Variants in TCF4 observed in about 807,000 individuals in gnomAD.
The protein encoded by TCF4 is transcription factor 4, also known as SL3-3 enhancer factor 2.
In TCF4, 3 loss-of-function variants were observed where a neutral mutation model predicts 82.1. That is an observed-to-expected ratio of 0.04 (90% confidence interval 0.02 to 0.09). The LOEUF (loss-of-function observed/expected upper bound fraction) is 0.09. Among genes scored for constraint, TCF4 ranks in the 10% least tolerant of loss-of-function variants. The pLI, the probability that TCF4 is intolerant of heterozygous loss-of-function variation, is 1.00. For missense variants in TCF4, 518 were observed against 852.7 expected (o/e 0.61, Z 4.89); for synonymous variants, 276 against 309.6 (o/e 0.89, Z 1.14).
At chr18:55,462,058 T>C (rs536107866) in intron 4 of TCF4, among the ~76,000 whole-genome samples, 1 of 152,284 alleles carries the variant, frequency 6.6e-6, no homozygotes, top group East Asian at 1.9e-4. Context: ...ATCGGTTGCA[T>C]GTGAGCCAAA....
At chr18:55,255,659 T>G (rs752442402) in intron 14 of TCF4, among the ~76,000 whole-genome samples, 3 of 152,148 alleles carry the variant, frequency 2.0e-5, no homozygotes, top group Non-Finnish European at 2.9e-5. Flanking sequence ...TTGTTTCACG[T>G]GTGTATGGGC....
At position 55,270,074 on chromosome 18, in the gene TCF4, G is replaced by A; in HGVS notation, c.790-111C>T. 3 of 1,391,588 alleles carry A rather than the reference G, an allele frequency of 2.2e-6. No individual in the cohort carries two copies. The Admixed American group carries it at 5.1e-5, about 24-fold the overall frequency. The allele number at this position is 1,391,588 out of a possible 1,614,324, so 86.2% of individuals were successfully genotyped here. ...TATTTTACAATGGAGACAGCTTTTAGAATTTCAAAATAGCCAAGAATATAT... is the reference window on the plus strand; with the variant it reads ...TATTTTACAATGGAGACAGCTTTTAAAATTTCAAAATAGCCAAGAATATAT... On this transcript the variant is annotated intron_variant, in intron 10 of 19. Coordinates refer to ENST00000354452, the MANE Select transcript of TCF4 (RefSeq NM_001083962.2).
At chr18:55,436,103 G>A (rs2147245733) in intron 5 of TCF4, among the ~76,000 whole-genome samples, 1 of 152,238 alleles carries the variant, frequency 6.6e-6, no homozygotes. Context: ...AGTCAAATAA[G>A]CTTACAAACA....
At position 55,624,369 on chromosome 18, in the gene TCF4, C is replaced by T. The variant is rs1056934798; in HGVS notation, c.286+6929G>A. On this transcript the variant is annotated intron_variant, in intron 2 of 20. Coordinates refer to the TCF4 transcript ENST00000398339. ...AAGGGACACAAGGCTGCCTTCCTCT[C>T]ACTGGGCATCTCCCTAAATGCCTGG... 3.2e-4 allele frequency among the ~76,000 whole-genome samples: 48 copies of T among 152,098 alleles called. 1 individual carries two copies. The highest frequency in any genetic ancestry group is 2.9e-5 in the Non-Finnish European group (2 of 68,018).
chr18:55,325,705 T>TA (rs2076437844), intron 8 of TCF4, among the ~76,000 whole-genome samples: 2 of 152,238 alleles, frequency 1.3e-5, no homozygotes, highest in African/African-American at 4.8e-5. Flanking sequence ...GTTGTTGTTT[T>TA]GTTGTTGTTG....
In TCF4 at chr18:55,461,002, T is replaced by C. The variant is rs1376572040; in HGVS notation, c.304+17A>G. On this transcript the variant is annotated intron_variant, in intron 5 of 19. Coordinates refer to ENST00000354452, the MANE Select transcript of TCF4 (RefSeq NM_001083962.2). ...TGAGCATTCAAAAAGTGTAAGTTAATTTAAAATGGGTCTTACTTTGTATTC... is the reference window on the plus strand; with the variant it reads ...TGAGCATTCAAAAAGTGTAAGTTAACTTAAAATGGGTCTTACTTTGTATTC... The C allele has an allele frequency of 6.2e-7, 1 of 1,609,266 alleles. No individual in the cohort carries two copies. The highest frequency in any genetic ancestry group is 2.2e-5 in the East Asian group (1 of 44,764).
intron 3 of TCF4, among the ~76,000 whole-genome samples, chr18:55,488,247 C>A (rs897741639): frequency 6.6e-6 from 1 of 152,200 alleles, no homozygotes; most frequent in African/African-American, 2.4e-5. Context: ...ATGTGACACA[C>A]ATACATTCCG....
Position 55,563,411 on chromosome 18 carries a change from T to TA in TCF4, c.145+21868dup, listed in dbSNP as rs573137241. ...GACCTCAAAGGGATGCTCAGAAAAA[T>TA]AAAAAATTAGTGAATGAAAGCTTGA... On this transcript the variant is annotated intron_variant, in intron 3 of 19. Coordinates refer to ENST00000354452, the MANE Select transcript of TCF4 (RefSeq NM_001083962.2). Among the ~76,000 whole-genome samples, 1,296 of 152,056 alleles carry TA rather than the reference T, an allele frequency of 8.5e-3. 9 individuals are homozygous for TA. Among genetic ancestry groups the TA allele is most frequent in the Non-Finnish European group, 0.013 (858 of 67,968 alleles).
intron 3 of TCF4, among the ~76,000 whole-genome samples, chr18:55,504,639 A>C (rs376329835): frequency 6.6e-6 from 1 of 152,200 alleles, no homozygotes; most frequent in East Asian, 1.9e-4. Context: ...CAATACCAAA[A>C]ATAAACTGAG....
chr18:55,258,922 C>T (rs1431840398), intron 13 of TCF4, among the ~76,000 whole-genome samples: 4 of 152,130 alleles, frequency 2.6e-5, no homozygotes, highest in African/African-American at 7.2e-5. Flanking sequence ...CCAGTTTCAA[C>T]GCGGTCTCTC....
intron 8 of TCF4, among the ~76,000 whole-genome samples, chr18:55,313,378 T>G (rs1456865552): frequency 1.3e-5 from 2 of 152,162 alleles, no homozygotes; most frequent in Non-Finnish European, 2.9e-5. Flanking sequence ...TAAACTGATA[T>G]GAGAATAGTG....
intron 8 of TCF4, among the ~76,000 whole-genome samples, chr18:55,340,515 T>TCATAGTTCAC (rs1297720857): frequency 1.3e-5 from 2 of 149,880 alleles, no homozygotes; most frequent in Admixed American, 1.3e-4. Flanking sequence ...GCCTGGGAGT[T>TCATAGTTCAC]TGAGACTGCA....
At chr18:55,403,889 G>T (rs2093958409) in intron 5 of TCF4, 1 of 1,438,256 alleles carries the variant, frequency 7.0e-7, no homozygotes, top group Non-Finnish European at 9.1e-7. Flanking sequence ...CCCTAGCCTA[G>T]TAATTCCCAT....
rs148864070 is a variant in TCF4, at chr18:55,259,885, A to C, written c.1069+64T>G. The C allele has an allele frequency of 6.5e-5, 89 of 1,373,526 alleles. 1 individual carries two copies. The highest frequency in any genetic ancestry group is 5.3e-4 in the Middle Eastern group (3 of 5,622). The allele number at this position is 1,373,526 out of a possible 1,614,324, so 85.1% of individuals were successfully genotyped here. On this transcript the variant is annotated intron_variant, in intron 13 of 19. Transcript: ENST00000354452. ...TGAGTTTCCACCTACAAAATCAGGA[A>C]GTACAAGGGGGGAATCATTCTTATA...
At chr18:55,439,283 T>C (rs2095393015) in intron 5 of TCF4, among the ~76,000 whole-genome samples, 1 of 151,986 alleles carries the variant, frequency 6.6e-6, no homozygotes, top group Non-Finnish European at 1.5e-5. Flanking sequence ...GGGATCCACA[T>C]CTGAGGATAA....
intron 3 of TCF4, among the ~76,000 whole-genome samples, chr18:55,503,114 C>T (rs1350192186): frequency 6.6e-6 from 1 of 152,164 alleles, no homozygotes; most frequent in Non-Finnish European, 1.5e-5. Flanking sequence ...CTTTGAGAAT[C>T]CTCATGCAAG....
At chr18:55,442,156 G>A (rs1434087093) in intron 5 of TCF4, among the ~76,000 whole-genome samples, 1 of 152,082 alleles carries the variant, frequency 6.6e-6, no homozygotes, top group Non-Finnish European at 1.5e-5. Context: ...TTACAATGAA[G>A]ATTAAAAAAA....
chr18:55,533,339 T>C (rs1451369018), intron 3 of TCF4, among the ~76,000 whole-genome samples: 3 of 152,114 alleles, frequency 2.0e-5, no homozygotes, highest in Non-Finnish European at 4.4e-5. Context: ...CTCACATGTT[T>C]AGAATTGCTA....
At chr18:55,331,601 T>C (rs1215020118) in intron 8 of TCF4, among the ~76,000 whole-genome samples, 1 of 152,174 alleles carries the variant, frequency 6.6e-6, no homozygotes, top group Non-Finnish European at 1.5e-5. Flanking sequence ...AAAAACACGA[T>C]AGCCAGCTGT....
Sources: gnomAD v4.1 joint callset for allele counts (sites outside exome capture counted in the v4.1 genomes callset) on GRCh38, gnomAD v4.1.1 for gene constraint, MANE v1.5 for transcripts, NCBI Gene and HGNC (gene_info 2026-07-23, HGNC 2026-07-21) for gene names.